The following RANBP2 variants were observed in gnomAD, a reference collection of about 807,000 sequenced individuals.
RANBP2 encodes E3 SUMO-protein ligase RanBP2.
Under a neutral mutation model 303.6 loss-of-function variants are expected in RANBP2, and 57 were observed. The observed-to-expected ratio is 0.19, with a 90% confidence interval of 0.15 to 0.23. RANBP2 has a LOEUF of 0.23. RANBP2 is among the 10% of genes least tolerant of loss of function. The probability of loss-of-function intolerance (pLI) is 1.00; values close to 1 mark genes in which losing one functional copy is unlikely to be tolerated. For missense variants in RANBP2, 3,138 were observed against 3,780.8 expected (o/e 0.83, Z 4.46); for synonymous variants, 1,167 against 1,301.5 (o/e 0.90, Z 2.23).
At chr2:109,155,109 A>T in the RANBP2 span, among the ~76,000 whole-genome samples, 6 of 152,350 alleles carry the variant, frequency 3.9e-5, no homozygotes, top group African/African-American at 1.4e-4. Flanking sequence ...CATGAGCCAC[A>T]TAAAGGCATT....
At chr2:109,685,162 C>T in the RANBP2 span, among the ~76,000 whole-genome samples, 2 of 152,118 alleles carry the variant, frequency 1.3e-5, no homozygotes, top group East Asian at 3.9e-4. Context: ...CATGAGCCAC[C>T]GCGCCCAGCC....
the RANBP2 span, among the ~76,000 whole-genome samples, chr2:109,032,813 C>T: frequency 6.6e-6 from 1 of 152,264 alleles, no homozygotes; most frequent in Non-Finnish European, 1.5e-5. Flanking sequence ...ACTGCCACTA[C>T]TGAGGAGCAA....
At chr2:109,158,289 T>C in the RANBP2 span, among the ~76,000 whole-genome samples, 1 of 152,186 alleles carries the variant, frequency 6.6e-6, no homozygotes. Context: ...TTGCCACTTG[T>C]CTCTTTCTGG....
chr2:108,869,551 G>A, the RANBP2 span, among the ~76,000 whole-genome samples: 1 of 152,190 alleles, frequency 6.6e-6, no homozygotes, highest in East Asian at 1.9e-4. Context: ...AAAACTGCAG[G>A]GAGACTACAG....
At chr2:109,472,600 CATCT>C in the RANBP2 span, among the ~76,000 whole-genome samples, 2 of 152,182 alleles carry the variant, frequency 1.3e-5, no homozygotes, top group African/African-American at 2.4e-5. Context: ...GATTTCCATC[CATCT>C]GTTTCATTTA....
the RANBP2 span, among the ~76,000 whole-genome samples, chr2:109,687,770 T>C: frequency 7.8e-5 from 11 of 140,774 alleles, no homozygotes; most frequent in African/African-American, 2.4e-4. Flanking sequence ...TGAAACAGGG[T>C]CTGACTCTGT....
the RANBP2 span, among the ~76,000 whole-genome samples, chr2:109,653,977 A>G: frequency 7.9e-5 from 12 of 152,278 alleles, no homozygotes; most frequent in Admixed American, 5.2e-4. Flanking sequence ...ATCTGACTCT[A>G]CGGGTCTGGA....
chr2:108,913,055 TCTC>T, the RANBP2 span, among the ~76,000 whole-genome samples: 1 of 151,728 alleles, frequency 6.6e-6, no homozygotes, highest in African/African-American at 2.4e-5. Flanking sequence ...TTGACGCCAT[TCTC>T]CTGTCTCAGC....
At chr2:108,846,821 T>A in the RANBP2 span, 1 of 1,612,860 alleles carries the variant, frequency 6.2e-7, no homozygotes, top group Non-Finnish European at 8.5e-7. Flanking sequence ...AGGATAATTC[T>A]CCACAGCATT....
the RANBP2 span, among the ~76,000 whole-genome samples, chr2:109,498,520 G>A: frequency 3.3e-5 from 5 of 152,236 alleles, no homozygotes; most frequent in Non-Finnish European, 7.3e-5. Flanking sequence ...CCCAGGCTCT[G>A]TGAACACGTG....
the RANBP2 span, among the ~76,000 whole-genome samples, chr2:109,073,740 A>G: frequency 1.3e-5 from 2 of 150,410 alleles, no homozygotes; most frequent in African/African-American, 4.8e-5. Context: ...TTAAAAACTA[A>G]TGAACACCAC....
At chr2:109,052,658 C>A in the RANBP2 span, among the ~76,000 whole-genome samples, 2 of 152,136 alleles carry the variant, frequency 1.3e-5, no homozygotes, top group Admixed American at 1.3e-4. Context: ...GCTGAGGAAG[C>A]CCAGCTAATT....
chr2:108,902,075 T>TA, the RANBP2 span, among the ~76,000 whole-genome samples: 1 of 151,778 alleles, frequency 6.6e-6, no homozygotes, highest in South Asian at 2.1e-4. Context: ...CCATATCTAC[T>TA]AAAAATACAA....
the RANBP2 span, among the ~76,000 whole-genome samples, chr2:109,383,518 CT>C: frequency 2.0e-5 from 3 of 152,182 alleles, no homozygotes; most frequent in Non-Finnish European, 4.4e-5. Context: ...TCTGTTAATA[CT>C]TTCTGTTTCC....
the RANBP2 span, among the ~76,000 whole-genome samples, chr2:109,533,481 G>C: frequency 1.3e-5 from 2 of 152,350 alleles, no homozygotes; most frequent in African/African-American, 4.8e-5. Context: ...TGTTGGTGTG[G>C]AATGCCCCAG....
the RANBP2 span, among the ~76,000 whole-genome samples, chr2:108,917,480 A>G: frequency 6.6e-6 from 1 of 152,242 alleles, no homozygotes; most frequent in African/African-American, 2.4e-5. Flanking sequence ...TGATCAGATC[A>G]TGACACTTTG....
At chr2:109,663,341 G>A in the RANBP2 span, among the ~76,000 whole-genome samples, 4 of 152,160 alleles carry the variant, frequency 2.6e-5, no homozygotes, top group Non-Finnish European at 5.9e-5. Flanking sequence ...ATTAGCTGGG[G>A]ATATTTGAAG....
At chr2:109,138,323 G>A in the RANBP2 span, among the ~76,000 whole-genome samples, 2 of 152,210 alleles carry the variant, frequency 1.3e-5, no homozygotes, top group African/African-American at 2.4e-5. Context: ...CACTTCGCCT[G>A]GCCTCTCAGA....
chr2:109,306,754 G>A, the RANBP2 span, among the ~76,000 whole-genome samples: 1 of 152,246 alleles, frequency 6.6e-6, no homozygotes, highest in African/African-American at 2.4e-5. Flanking sequence ...TCCACTAGGG[G>A]ATGGTGCAGG....
Sources: allele counts gnomAD v4.1 joint callset (sites outside exome capture counted in the v4.1 genomes callset), GRCh38; gene constraint gnomAD v4.1.1; transcripts MANE v1.5; gene names NCBI Gene and HGNC (gene_info 2026-07-23, HGNC 2026-07-21).